Variants in TULP4 observed in about 807,000 individuals in gnomAD.
The protein encoded by TULP4 is TUB like protein 4.
In TULP4, 16 loss-of-function variants were observed where a neutral mutation model predicts 129.0. That is an observed-to-expected ratio of 0.12 (90% CI 0.08 to 0.19). TULP4 has a LOEUF of 0.19. Among genes scored for constraint, TULP4 ranks in the 10% least tolerant of loss-of-function variants. The pLI, the probability that TULP4 is intolerant of heterozygous loss-of-function variation, is 1.00. For synonymous variants in TULP4, 998 were observed against 854.0 expected (o/e 1.17, Z -2.94); for missense variants, 1,842 against 2,059.1 (o/e 0.89, Z 2.04).
chr6:158,235,296 C>T (rs1474532368), intron 1 of TULP4, among the ~76,000 whole-genome samples: 1 of 152,140 alleles, frequency 6.6e-6, no homozygotes, highest in Non-Finnish European at 1.5e-5. Context: ...CAAACTGAAA[C>T]TCCAGACCTG....
At position 158,493,475 on chromosome 6, in the gene TULP4, A is replaced by T; in HGVS notation, c.1632-98A>T. 2.3e-6 allele frequency: 3 copies of T among 1,309,714 alleles called. No individual in the cohort carries two copies. Among genetic ancestry groups the T allele is most frequent in the East Asian group, 2.8e-5 (1 of 35,582 alleles). 81.1% of individuals were successfully genotyped at this position (1,309,714 alleles called of 1,614,324 possible). ...GCTGCAGGGTGAGAACCCAACACCC[A>T]GGCTGGCTGTCCAGAAAAAGAAAGG... On this transcript the variant is annotated intron_variant, in intron 9 of 13. Transcript: ENST00000367097. The surrounding 1 kb of genome is among the most constrained non-coding windows in gnomAD (Gnocchi z 4.4).
At chr6:158,495,581 G>A (rs1418826795) in intron 11 of TULP4, among the ~76,000 whole-genome samples, 2 of 152,154 alleles carry the variant, frequency 1.3e-5, no homozygotes, top group African/African-American at 2.4e-5. Flanking sequence ...AGTGGCTCAC[G>A]CCTGTAATCC....
chr6:158,251,140 A>G (rs1778132533), intron 1 of TULP4, among the ~76,000 whole-genome samples: 1 of 152,198 alleles, frequency 6.6e-6, no homozygotes, highest in Non-Finnish European at 1.5e-5. Context: ...CTTTCTCTTC[A>G]TTTTGTGTCC....
At position 158,242,017 on chromosome 6, in the gene TULP4, A is replaced by C. The variant is rs1777928463; in HGVS notation, n.68+9714A>C. 3 of 820,252 alleles carry C rather than the reference A, an allele frequency of 3.7e-6. No individual in the cohort carries two copies. In the Admixed American group the frequency reaches 5.1e-5, roughly 14 times the overall value. The allele number at this position is 820,252 out of a possible 1,614,324, so 50.8% of individuals were successfully genotyped here. ...ATTTTGGTCCTTGTTAATGGTAATG[A>C]TGTTATTTGCAATTACATCTAGTAA... On this transcript the variant is annotated intron_variant and non_coding_transcript_variant, in intron 1 of 1. Transcript: ENST00000620026.
intron 7 of TULP4, 68 bp from the exon 8 acceptor site, chr6:158,480,987 C>T (rs773208768): frequency 2.6e-5 from 37 of 1,430,800 alleles, no homozygotes; most frequent in Non-Finnish European, 3.4e-5. Flanking sequence ...CCCCCGTGCC[C>T]ACTCTCTTTC....
At chr6:158,381,228 TG>T (rs1271785206) in intron 1 of TULP4, among the ~76,000 whole-genome samples, 1 of 152,040 alleles carries the variant, frequency 6.6e-6, no homozygotes, top group African/African-American at 2.4e-5. Context: ...TGACTTCTTC[TG>T]TGCCTCCACA....
At chr6:158,250,129 C>T (rs143764993) in intron 1 of TULP4, among the ~76,000 whole-genome samples, 39 of 151,622 alleles carry the variant, frequency 2.6e-4, no homozygotes, top group Non-Finnish European at 5.3e-4. Flanking sequence ...AGCCACCATT[C>T]CTAGTTAAAA....
chr6:158,328,079 GGTGTGTGTGTGTGTGTGTGT>G (rs766393090), intron 1 of TULP4, among the ~76,000 whole-genome samples: 5 of 120,582 alleles, frequency 4.1e-5, no homozygotes, highest in African/African-American at 1.6e-4. Context: ...TCTCAGAGCT[GGTGTGTGTGTGTGTGTGTGT>G]GTGTGTGTGT....
rs143644336 is a variant in TULP4 at position 158,505,308 on chromosome 6, G to A, written c.4515+1130G>A. ...CAATAAATGTTATTGAGAACCTGCC[G>A]TGTGCCTGGCAATCCTCTAAGCCCA... On this transcript the variant is annotated intron_variant, in intron 13 of 13. Transcript: ENST00000367097. Among the ~76,000 whole-genome samples the A allele has an allele frequency of 1.0e-4, 14 of 139,746 alleles. No homozygotes were observed. In the East Asian group the frequency reaches 2.2e-3, roughly 22 times the overall value. The allele number at this position is 139,746 out of a possible 152,430, so 91.7% of individuals were successfully genotyped here.
chr6:158,475,964 G>A (rs181815879), intron 6 of TULP4, among the ~76,000 whole-genome samples: 1 of 152,148 alleles, frequency 6.6e-6, no homozygotes, highest in African/African-American at 2.4e-5. Context: ...ACTTACAGGG[G>A]TCCTGAGAAG....
chr6:158,376,531 G>T (rs827988), intron 1 of TULP4, among the ~76,000 whole-genome samples: 101,536 of 152,138 alleles, frequency 0.67, 34,411 homozygotes, highest in Middle Eastern at 0.74. Flanking sequence ...CTCCATTGTA[G>T]TCAGAAGCCC....
At chr6:158,299,851 T>G (rs1283291889) in intron 1 of TULP4, among the ~76,000 whole-genome samples, 1 of 151,996 alleles carries the variant, frequency 6.6e-6, no homozygotes, top group Non-Finnish European at 1.5e-5. Context: ...TAAGACAAAG[T>G]GTAAGGGGGA....
intron 1 of TULP4, chr6:158,242,776 C>T (rs12527169): frequency 7.6e-6 from 3 of 392,822 alleles, no homozygotes; most frequent in Admixed American, 7.2e-5. Context: ...CGGTTCACTT[C>T]ACTCCACACA....
chr6:158,238,233 G>T, intron 1 of TULP4: 2 of 952,652 alleles, frequency 2.1e-6, no homozygotes, highest in Non-Finnish European at 3.4e-6. Flanking sequence ...TTTTCTTGAT[G>T]CTGATCTGAA....
intron 1 of TULP4, among the ~76,000 whole-genome samples, chr6:158,275,569 G>T (rs762710264): frequency 6.6e-6 from 1 of 152,100 alleles, no homozygotes; most frequent in African/African-American, 2.4e-5. Flanking sequence ...TCTAACCCAC[G>T]GCAGCGCTTT....
intron 1 of TULP4, among the ~76,000 whole-genome samples, chr6:158,395,469 T>G (rs1777688082): frequency 6.6e-6 from 1 of 151,510 alleles, no homozygotes; most frequent in Non-Finnish European, 1.5e-5. Context: ...TAATCCCAGC[T>G]ACTCAGGAGG....
At position 158,365,035 on chromosome 6, in the gene TULP4, C is replaced by T. The variant is rs890898300; in HGVS notation, c.253-48030C>T. 3.3e-5 allele frequency among the ~76,000 whole-genome samples: 5 copies of T among 151,676 alleles called. No homozygotes were observed. In the South Asian group the frequency reaches 1.0e-3, roughly 32 times the overall value. On this transcript the variant is annotated intron_variant, in intron 1 of 13. Coordinates refer to ENST00000367097, the MANE Select transcript of TULP4 (RefSeq NM_020245.5). ...CAGGCGTGAGCCACCGCGCCCAGCC[C>T]CTAGATTTGTTTTTATCCAGTCTCT...
At chr6:158,477,249 A>G (rs925730386) in intron 6 of TULP4, among the ~76,000 whole-genome samples, 1 of 152,154 alleles carries the variant, frequency 6.6e-6, no homozygotes, top group African/African-American at 2.4e-5. Context: ...TATATCATCA[A>G]CTGTTATACA....
At chr6:158,315,763 C>G (rs1039362960) in intron 1 of TULP4, among the ~76,000 whole-genome samples, 4 of 152,220 alleles carry the variant, frequency 2.6e-5, no homozygotes, top group Non-Finnish European at 4.4e-5. Flanking sequence ...GGTGAGGGCT[C>G]TCTCCTCCAT....
Sources: allele counts gnomAD v4.1 joint callset (sites outside exome capture counted in the v4.1 genomes callset), GRCh38; gene constraint gnomAD v4.1.1; non-coding constraint Gnocchi (gnomAD v3.1); transcripts MANE v1.5; gene names NCBI Gene and HGNC (gene_info 2026-07-23, HGNC 2026-07-21).